Variants in YBEY observed in about 807,000 individuals in gnomAD.
YBEY encodes the protein ybeY metalloendoribonuclease, also known as endoribonuclease YbeY.
A neutral mutation model predicts 13.5 loss-of-function variants in YBEY; 15 were observed. That is an observed-to-expected ratio of 1.11 (90% CI 0.75 to 1.72). The LOEUF is 1.72. YBEY is among the 40% of genes most tolerant of loss of function. The pLI, the probability that YBEY is intolerant of heterozygous loss-of-function variation, is 0.00. For synonymous variants in YBEY, 101 were observed against 83.1 expected, an observed-to-expected ratio of 1.21 and a Z score of -1.17; for missense variants, 244 against 208.4, an observed-to-expected ratio of 1.17 and a Z score of -1.05.
the YBEY span, among the ~76,000 whole-genome samples, chr21:46,312,058 A>C: frequency 7.8e-5 from 9 of 115,002 alleles, no homozygotes; most frequent in South Asian, 3.1e-4. Context: ...CAACCAACCA[A>C]CCACCCACCC....
intron 2 of YBEY, among the ~76,000 whole-genome samples, chr21:46,290,260 A>AT (rs1486160695): frequency 6.6e-6 from 1 of 151,626 alleles, no homozygotes; most frequent in South Asian, 2.1e-4. Context: ...CTGAAGTGCA[A>AT]TGGCGCAGTC....
the YBEY span, among the ~76,000 whole-genome samples, chr21:46,303,160 G>A: frequency 5.3e-5 from 8 of 151,032 alleles, no homozygotes; most frequent in African/African-American, 1.9e-4. Flanking sequence ...GCGAAACTCC[G>A]TCTCAAGAAA....
At chr21:46,298,587 GC>G (rs929497367), downstream of YBEY, among the ~76,000 whole-genome samples, 82 of 151,480 alleles carry the variant, frequency 5.4e-4, no homozygotes, top group African/African-American at 1.9e-3. Context: ...CCGCCACCTC[GC>G]CCGGCTAATT....
chr21:46,302,180 G>A, downstream of YBEY: 1 of 1,453,580 alleles, frequency 6.9e-7, no homozygotes, highest in African/African-American at 1.4e-5. Context: ...CTGCTGCTTA[G>A]GACGCAGCCC....
chr21:46,297,746 C>A lies in YBEY; in HGVS notation c.*112C>A. ...GTACGAGGGGAACCTCCTCTTATTT[C>A]CTTCACGTTGCATCGGGTATTTTTC... is the stretch of plus-strand genomic sequence containing the variant. On this transcript the variant is annotated 3_prime_UTR_variant, in exon 5 of 5. Transcript: ENST00000397701. The A allele has an allele frequency of 8.0e-7, 1 of 1,246,790 alleles. No individual in the cohort carries two copies. The highest frequency in any genetic ancestry group is 1.0e-6 in the Non-Finnish European group (1 of 989,748). The allele number at this position is 1,246,790 out of a possible 1,614,324, so 77.2% of individuals were successfully genotyped here.
chr21:46,290,171 G>A (rs558049587), intron 2 of YBEY, among the ~76,000 whole-genome samples: 2 of 151,990 alleles, frequency 1.3e-5, no homozygotes, highest in African/African-American at 4.8e-5. Flanking sequence ...TGGTTTGTTT[G>A]TATAACCCTA....
In YBEY at chr21:46,287,096, C is replaced by T; in HGVS notation, c.183C>T (p.Thr61=). 2.5e-6 allele frequency: 4 copies of T among 1,608,738 alleles called. No individual in the cohort carries two copies. Among genetic ancestry groups the T allele is most frequent in the Non-Finnish European group, 3.4e-6 (4 of 1,178,162 alleles). Residue 61 remains threonine, a synonymous_variant, in exon 2 of 5, where the codon ACC becomes ACT. Transcript: ENST00000397701. The part of the protein sequence containing the change: ...NRIYRDRNVP[T]DVLSFPFHEH... ...TCTACAGAGATAGAAATGTCCCAACCGATGTGCTTTCTTTTCCATTTCATG... is the reference window on the plus strand; with the variant it reads ...TCTACAGAGATAGAAATGTCCCAACTGATGTGCTTTCTTTTCCATTTCATG...
At chr21:46,298,596 ATT>A (rs1325648236), downstream of YBEY, among the ~76,000 whole-genome samples, 1 of 150,582 alleles carries the variant, frequency 6.6e-6, no homozygotes, top group Non-Finnish European at 1.5e-5. Flanking sequence ...CGCCCGGCTA[ATT>A]TTTTGTATTT....
At chr21:46,286,671 C>T (rs1302068002) in intron 1 of YBEY, 199 bp from the exon 2 acceptor site, 6 of 375,038 alleles carry the variant, frequency 1.6e-5, no homozygotes, top group Non-Finnish European at 2.4e-5. Context: ...CTCCGCCCGC[C>T]TGGAGTCCTT....
At chr21:46,297,817 TCTGGAGTTCAGGGAACGCGTGGCCC>T (rs1265605419), downstream of YBEY, 21 of 1,206,082 alleles carry the variant, frequency 1.7e-5, no homozygotes, top group Non-Finnish European at 2.1e-5. Context: ...CGAGAGGGCG[TCTGGAGTTCAGGGAACGCGTGGCCC>T]CCGCCCGGGA....
At chr21:46,301,594 T>A (rs1197105362), downstream of YBEY, 1 of 1,005,176 alleles carries the variant, frequency 9.9e-7, no homozygotes, top group African/African-American at 1.7e-5. Context: ...GAGCTGAGAT[T>A]TTCTTAAACT....
chr21:46,304,788 T>C, the YBEY span, among the ~76,000 whole-genome samples: 109,502 of 152,082 alleles, frequency 0.72, 39,688 homozygotes, highest in African/African-American at 0.77. Flanking sequence ...GATGTAAGCC[T>C]GGAATCTTGA....
rs764596877 is a variant in YBEY, at chr21:46,286,983, G to C, written c.70G>C (p.Glu24Gln). Residue 24 changes from glutamate (E) to glutamine (Q), a missense_variant, in exon 2 of 5, where the codon GAG becomes CAG. Transcript: ENST00000397701. ...GAGAGCGCCACTTCGCAGTAAGATCGAGATTGTAAGGAGGATTTTAGGAGT... is the reference window on the plus strand; with the variant it reads ...GAGAGCGCCACTTCGCAGTAAGATCCAGATTGTAAGGAGGATTTTAGGAGT... ...IRRAPLRSKI[E>Q]IVRRILGVQK... 6.2e-7 allele frequency: 1 copy of C among 1,614,106 alleles called. No individual in the cohort carries two copies.
chr21:46,309,176 G>T, the YBEY span, among the ~76,000 whole-genome samples: 1 of 151,732 alleles, frequency 6.6e-6, no homozygotes, highest in Middle Eastern at 3.4e-3. Context: ...AAAATTAACC[G>T]AAGGCCAGGC....
downstream of YBEY, among the ~76,000 whole-genome samples, chr21:46,299,328 G>A (rs1022625606): frequency 6.6e-6 from 1 of 152,138 alleles, no homozygotes. Flanking sequence ...ATCTGAGGAA[G>A]AGCCGCCCGT....
chr21:46,302,107 C>G, downstream of YBEY: 1 of 1,526,350 alleles, frequency 6.6e-7, no homozygotes, highest in Non-Finnish European at 8.8e-7. Context: ...CGGCAGGCAG[C>G]CTTGGCCTGG....
In YBEY at chr21:46,297,585, CG is replaced by C; in HGVS notation, c.459del (p.Thr154ProfsTer6). On this transcript the variant is annotated frameshift_variant, in exon 5 of 5. Coordinates refer to ENST00000397701, the MANE Select transcript of YBEY (RefSeq NM_001314025.2). LOFTEE classifies it high-confidence loss of function. ...KAVLDELGRR[T>X]GTRLQPLTRG... Reference sequence around the variant, plus strand: ...GTGCTGGACGAGCTGGGCCGACGCACGGGGACCCGGCTGCAGCCCCTGACCC... The same window carrying C: ...GTGCTGGACGAGCTGGGCCGACGCACGGGACCCGGCTGCAGCCCCTGACCC... 2.2e-6 allele frequency: 3 copies of C among 1,386,266 alleles called. No homozygotes were observed. Among genetic ancestry groups the C allele is most frequent in the South Asian group, 1.6e-5 (1 of 61,518 alleles). The allele number at this position is 1,386,266 out of a possible 1,614,324, so 85.9% of individuals were successfully genotyped here.
At chr21:46,304,436 T>C in the YBEY span, among the ~76,000 whole-genome samples, 1 of 151,144 alleles carries the variant, frequency 6.6e-6, no homozygotes, top group African/African-American at 2.4e-5. Flanking sequence ...CAGCGAGGTA[T>C]GATTGCACCA....
chr21:46,308,044 A>ACACAAATCT, the YBEY span, among the ~76,000 whole-genome samples: 1 of 151,852 alleles, frequency 6.6e-6, no homozygotes, highest in Admixed American at 6.6e-5. Context: ...CCCAGGCTGG[A>ACACAAATCT]GTACAAAGGC....
Sources: allele counts gnomAD v4.1 joint callset (sites outside exome capture counted in the v4.1 genomes callset), GRCh38; gene constraint gnomAD v4.1.1; transcripts MANE v1.5; gene names NCBI Gene and HGNC (gene_info 2026-07-23, HGNC 2026-07-21).